The following MYLK variants were observed in gnomAD, a reference collection of about 807,000 sequenced individuals.
The protein encoded by MYLK is myosin light chain kinase, also known as myosin light chain kinase, smooth muscle.
A neutral mutation model predicts 203.4 loss-of-function variants in MYLK; 106 were observed. The observed-to-expected ratio is 0.52, with a 90% CI of 0.45 to 0.61. MYLK has a LOEUF of 0.61. Among genes scored for constraint, MYLK ranks in the 20% least tolerant of loss-of-function variants. The probability of loss-of-function intolerance (pLI) is 0.00; values close to 1 mark genes in which losing one functional copy is unlikely to be tolerated. For synonymous variants in MYLK, 867 were observed against 959.5 expected (o/e 0.90, Z 1.78); for missense variants, 2,072 against 2,442.3 (o/e 0.85, Z 3.20).
intron 16 of MYLK, among the ~76,000 whole-genome samples, chr3:123,703,936 CCT>C (rs2061349691): frequency 1.3e-5 from 2 of 152,368 alleles, no homozygotes; most frequent in South Asian, 4.1e-4. Flanking sequence ...CAGCTGGACT[CCT>C]CTGAGGCTTT....
intron 14 of MYLK, chr3:123,709,133 A>C: frequency 3.1e-6 from 1 of 323,246 alleles, no homozygotes. Flanking sequence ...GTTCTCACAT[A>C]ATTTTTTTTT....
At chr3:123,674,357 C>T (rs1273459429) in intron 20 of MYLK, among the ~76,000 whole-genome samples, 2 of 152,190 alleles carry the variant, frequency 1.3e-5, no homozygotes, top group African/African-American at 4.8e-5. Context: ...ATTTGTCACT[C>T]TGTGGCCAAA....
At chr3:123,731,407 G>A (rs2062469921) in intron 11 of MYLK, among the ~76,000 whole-genome samples, 1 of 152,126 alleles carries the variant, frequency 6.6e-6, no homozygotes. Context: ...TCTTTTGCAT[G>A]TGTGTACACA....
At chr3:123,698,635 C>T (rs889090283) in intron 18 of MYLK, among the ~76,000 whole-genome samples, 1 of 152,078 alleles carries the variant, frequency 6.6e-6, no homozygotes, top group Non-Finnish European at 1.5e-5. Flanking sequence ...TCTGGAGGAC[C>T]CTGCCAATCT....
intron 2 of MYLK, among the ~76,000 whole-genome samples, chr3:123,835,233 G>A (rs755859876): frequency 4.6e-5 from 7 of 152,164 alleles, no homozygotes; most frequent in South Asian, 4.1e-4. Flanking sequence ...AGAAACCTGC[G>A]TATTGACAAG....
intron 2 of MYLK, among the ~76,000 whole-genome samples, chr3:123,849,165 A>G (rs1190077097): frequency 6.6e-6 from 1 of 152,104 alleles, no homozygotes; most frequent in Non-Finnish European, 1.5e-5. Context: ...TTGTGGAGGC[A>G]GGGTGTCGCC....
chr3:123,618,201 C>T (rs2057624234), intron 33 of MYLK: 1 of 226,480 alleles, frequency 4.4e-6, no homozygotes, highest in Non-Finnish European at 8.9e-6. Context: ...CATCCAAGGT[C>T]ACACAGCCTG....
chr3:123,816,695 A>C (rs1342369784), intron 3 of MYLK, among the ~76,000 whole-genome samples: 1 of 152,236 alleles, frequency 6.6e-6, no homozygotes, highest in African/African-American at 2.4e-5. Context: ...ATATGGCACA[A>C]TGCCCCTGCC....
chr3:123,811,013 G>T (rs1481208359), intron 3 of MYLK, among the ~76,000 whole-genome samples: 2 of 152,154 alleles, frequency 1.3e-5, no homozygotes. Flanking sequence ...TTTTCTCCCA[G>T]CCCTAAATCT....
At chr3:123,728,195 G>A (rs2062357085) in intron 11 of MYLK, among the ~76,000 whole-genome samples, 1 of 152,152 alleles carries the variant, frequency 6.6e-6, no homozygotes, top group Non-Finnish European at 1.5e-5. Flanking sequence ...AACATTCTGA[G>A]GAGCATTCAA....
intron 5 of MYLK, among the ~76,000 whole-genome samples, chr3:123,747,653 C>T (rs2063062698): frequency 6.6e-6 from 1 of 152,324 alleles, no homozygotes; most frequent in Non-Finnish European, 1.5e-5. Flanking sequence ...TGCTCCAGAC[C>T]TATGGAATCA....
chr3:123,797,720 C>T (rs2065040167), intron 3 of MYLK, among the ~76,000 whole-genome samples: 1 of 152,236 alleles, frequency 6.6e-6, no homozygotes, highest in South Asian at 2.1e-4. Flanking sequence ...CTCTTGGCTT[C>T]AGTCTCTTTC....
intron 28 of MYLK, among the ~76,000 whole-genome samples, chr3:123,639,638 A>T (rs1466099918): frequency 6.6e-6 from 1 of 152,068 alleles, no homozygotes; most frequent in Non-Finnish European, 1.5e-5. Context: ...CTGACCGCCT[A>T]CCCCTGTGAC....
At chr3:123,776,309 G>A (rs1258204696) in intron 4 of MYLK, among the ~76,000 whole-genome samples, 1 of 152,180 alleles carries the variant, frequency 6.6e-6, no homozygotes, top group Admixed American at 6.5e-5. Context: ...ATGAAAACTG[G>A]TGCTATGTCT....
At chr3:123,793,221 C>CGGG (rs2064851789) in intron 4 of MYLK, among the ~76,000 whole-genome samples, 1 of 152,116 alleles carries the variant, frequency 6.6e-6, no homozygotes, top group Non-Finnish European at 1.5e-5. Context: ...ATGAGAGGTC[C>CGGG]TATCACTGCT....
intron 20 of MYLK, chr3:123,681,026 T>C (rs2060245783): frequency 6.6e-6 from 1 of 152,112 alleles, no homozygotes; most frequent in Non-Finnish European, 1.5e-5. Flanking sequence ...AAAAAGTAAA[T>C]AGATTTAATT....
At chr3:123,778,498 G>A (rs1459000331) in intron 4 of MYLK, among the ~76,000 whole-genome samples, 1 of 130,476 alleles carries the variant, frequency 7.7e-6, no homozygotes, top group Admixed American at 8.4e-5. Context: ...GGGCAACAGA[G>A]TGAGACTCTG....
intron 29 of MYLK, among the ~76,000 whole-genome samples, chr3:123,633,323 T>G (rs1553775908): frequency 6.6e-6 from 1 of 151,026 alleles, no homozygotes; most frequent in African/African-American, 2.4e-5. Context: ...GATGGGGTTT[T>G]GCCATGTTGC....
chr3:123,759,795 G>A (rs1213986468), intron 4 of MYLK, among the ~76,000 whole-genome samples: 1 of 152,182 alleles, frequency 6.6e-6, no homozygotes, highest in East Asian at 1.9e-4. Context: ...TCTCTCCCAA[G>A]CCCCATTATC....
Sources: gnomAD v4.1 joint callset for allele counts (sites outside exome capture counted in the v4.1 genomes callset) on GRCh38, gnomAD v4.1.1 for gene constraint, MANE v1.5 for transcripts, NCBI Gene and HGNC (gene_info 2026-07-23, HGNC 2026-07-21) for gene names.